PLXND1: variants seen among roughly 807,000 people sequenced by gnomAD.
PLXND1 encodes plexin D1.
A neutral mutation model predicts 197.7 loss-of-function variants in PLXND1; 54 were observed. The ratio of observed to expected loss-of-function variants is 0.27; its 90% confidence interval spans 0.22 to 0.34. PLXND1 has a LOEUF of 0.34. Among genes scored for constraint, PLXND1 ranks in the 10% least tolerant of loss-of-function variants. The pLI is 1.00. For synonymous variants in PLXND1, 1,180 were observed against 1,161.2 expected (o/e 1.02, Z -0.33); for missense variants, 2,127 against 2,699.2 (o/e 0.79, Z 4.70).
intron 1 of PLXND1, among the ~76,000 whole-genome samples, chr3:129,590,495 A>G (rs2085524550): frequency 6.6e-6 from 1 of 152,230 alleles, no homozygotes; most frequent in Non-Finnish European, 1.5e-5. Flanking sequence ...GGACACACAC[A>G]TGTGTCGGAT....
At chr3:129,581,729 TG>T (rs1322072941) in intron 8 of PLXND1, among the ~76,000 whole-genome samples, 1 of 152,210 alleles carries the variant, frequency 6.6e-6, no homozygotes, top group African/African-American at 2.4e-5. Flanking sequence ...CTGAGGCTCT[TG>T]GCTCGTGATG....
intron 11 of PLXND1, 110 bp downstream of exon 11, chr3:129,575,359 G>A (rs1560069620): frequency 2.9e-6 from 2 of 683,178 alleles, no homozygotes; most frequent in Non-Finnish European, 5.3e-6. Flanking sequence ...AGAACAATGG[G>A]GTGGGACATC....
chr3:129,582,845 A>G (rs2085404466), intron 8 of PLXND1, among the ~76,000 whole-genome samples: 1 of 152,174 alleles, frequency 6.6e-6, no homozygotes, highest in Non-Finnish European at 1.5e-5. Context: ...ATTAAACCCA[A>G]CCACCATGCA....
intron 30 of PLXND1, 126 bp from the exon 31 acceptor site, chr3:129,560,560 C>T: frequency 2.1e-6 from 2 of 946,378 alleles, no homozygotes; most frequent in Non-Finnish European, 3.4e-6. Flanking sequence ...TGGGCCCCAT[C>T]CCTACTCCCC....
intron 1 of PLXND1, among the ~76,000 whole-genome samples, 177 bp downstream of exon 1, chr3:129,605,152 G>C (rs991420997): frequency 6.6e-6 from 1 of 152,146 alleles, no homozygotes; most frequent in African/African-American, 2.4e-5. Flanking sequence ...GGCGCCAGTA[G>C]TACCCCTCGG....
At chr3:129,581,510 C>CT (rs1438830363) in intron 8 of PLXND1, among the ~76,000 whole-genome samples, 3 of 152,284 alleles carry the variant, frequency 2.0e-5, no homozygotes, top group Non-Finnish European at 4.4e-5. Context: ...TCACTCTGGC[C>CT]CACCCACAGA....
chr3:129,591,008 G>A (rs2085532227), intron 1 of PLXND1, among the ~76,000 whole-genome samples: 1 of 6,650 alleles, frequency 1.5e-4, no homozygotes, highest in African/African-American at 1.9e-4. Context: ...GTGCCTGCCT[G>A]GTTTTTGCAC....
Position 129,557,351 on chromosome 3 carries a change from C to G in PLXND1, c.5446-128G>C. The G allele has an allele frequency of 9.9e-7, 1 of 1,011,754 alleles. No homozygotes were observed. Among genetic ancestry groups the G allele is most frequent in the South Asian group, 1.6e-5 (1 of 63,798 alleles). 62.7% of individuals were successfully genotyped at this position (1,011,754 alleles called of 1,614,324 possible). ...AGCAGGCCCCCGAGGCCCAAAGAGT[C>G]TCACCCGGTCACTGAACGTCCCCGC... On this transcript the variant is annotated intron_variant, in intron 33 of 35. Transcript: ENST00000324093. This position sits in a 1 kb window ranked among gnomAD's most constrained non-coding sequence, Gnocchi z 4.8.
intron 1 of PLXND1, among the ~76,000 whole-genome samples, chr3:129,602,196 T>A (rs917641308): frequency 6.6e-6 from 1 of 152,192 alleles, no homozygotes; most frequent in African/African-American, 2.4e-5. Context: ...AGGTGCCTGC[T>A]GAGACCACTC....
chr3:129,561,949 G>T, intron 27 of PLXND1, 46 bp from the exon 28 acceptor site: 1 of 1,369,536 alleles, frequency 7.3e-7, no homozygotes, highest in Non-Finnish European at 1.0e-6. Context: ...AGGGAGCTGG[G>T]CCTGAGGGGT....
At chr3:129,595,811 G>A (rs554843499) in intron 1 of PLXND1, among the ~76,000 whole-genome samples, 2 of 152,216 alleles carry the variant, frequency 1.3e-5, no homozygotes, top group African/African-American at 2.4e-5. Flanking sequence ...AACAGGCATG[G>A]CCTGGAAGGA....
Position 129,581,446 on chromosome 3 carries a change from C to T in PLXND1, c.2241+2121G>A, listed in dbSNP as rs148473907. ...CCTATGCATCTCTCAAGACCCAGCACGAAGGTCCCCTCTCAAGAGAAATCC... is the reference window on the plus strand; with the variant it reads ...CCTATGCATCTCTCAAGACCCAGCATGAAGGTCCCCTCTCAAGAGAAATCC... On this transcript the variant is annotated intron_variant, in intron 8 of 35. Coordinates refer to ENST00000324093, the MANE Select transcript of PLXND1 (RefSeq NM_015103.3). Among the ~76,000 whole-genome samples, 282 of 152,310 alleles carry T rather than the reference C, an allele frequency of 1.9e-3. 1 individual carries two copies. Among genetic ancestry groups the T allele is most frequent in the African/African-American group, 6.5e-3 (271 of 41,552 alleles).
At chr3:129,597,769 G>T (rs2085649334) in intron 1 of PLXND1, among the ~76,000 whole-genome samples, 1 of 152,264 alleles carries the variant, frequency 6.6e-6, no homozygotes, top group Admixed American at 6.5e-5. Context: ...CTCAGACATG[G>T]CCTTTGGAAA....
intron 1 of PLXND1, among the ~76,000 whole-genome samples, chr3:129,604,748 C>G (rs1178069835): frequency 6.6e-6 from 1 of 152,258 alleles, no homozygotes; most frequent in Non-Finnish European, 1.5e-5. Context: ...ACACCTAGCC[C>G]TGTCCCGTTG....
At chr3:129,598,658 C>T (rs536542486) in intron 1 of PLXND1, among the ~76,000 whole-genome samples, 58 of 152,258 alleles carry the variant, frequency 3.8e-4, no homozygotes, top group East Asian at 3.9e-4. Context: ...CCTCGGCGGA[C>T]GCAGAAGTTC....
chr3:129,571,983 G>T (rs2085240966), intron 15 of PLXND1, 139 bp from the exon 16 acceptor site: 1 of 744,148 alleles, frequency 1.3e-6, no homozygotes, highest in South Asian at 1.8e-5. Flanking sequence ...CTCATCTTCT[G>T]CCCAGTTAGT....
intron 29 of PLXND1, chr3:129,560,935 G>A: frequency 1.5e-6 from 1 of 674,174 alleles, no homozygotes; most frequent in Non-Finnish European, 2.7e-6. Context: ...AGAGACGCAT[G>A]GGGAGACTGA....
At chr3:129,565,837 C>G (rs1232901145) in intron 24 of PLXND1, 50 bp downstream of exon 24, 1 of 1,599,452 alleles carries the variant, frequency 6.3e-7, no homozygotes, top group Non-Finnish European at 8.5e-7. Flanking sequence ...GCTGTGTGGC[C>G]TTGGACAGGC....
At chr3:129,589,916 C>T (rs923681915) in intron 1 of PLXND1, among the ~76,000 whole-genome samples, 7 of 152,168 alleles carry the variant, frequency 4.6e-5, no homozygotes, top group African/African-American at 1.7e-4. Flanking sequence ...ACCAGATGAC[C>T]GGAGGCCACC....
Sources: allele counts gnomAD v4.1 joint callset (sites outside exome capture counted in the v4.1 genomes callset), GRCh38; gene constraint gnomAD v4.1.1; non-coding constraint Gnocchi (gnomAD v3.1); transcripts MANE v1.5; gene names NCBI Gene and HGNC (gene_info 2026-07-23, HGNC 2026-07-21).